Variants in USP12 observed in about 807,000 individuals in gnomAD.
USP12 encodes the protein ubiquitin carboxyl-terminal hydrolase 12.
In USP12, 19 loss-of-function variants were observed where a neutral mutation model predicts 45.5. The ratio of observed to expected loss-of-function variants is 0.42; its 90% CI spans 0.29 to 0.61. USP12 has a LOEUF of 0.61. Among genes scored for constraint, USP12 ranks in the 20% least tolerant of loss-of-function variants. The pLI, the probability that USP12 is intolerant of heterozygous loss-of-function variation, is 0.22. For missense variants in USP12, 242 were observed against 447.7 expected (o/e 0.54, Z 4.15); for synonymous variants, 149 against 148.8 (o/e 1.00, Z -0.01).
intron 3 of USP12, among the ~76,000 whole-genome samples, chr13:27,103,305 A>G (rs1874956535): frequency 6.6e-6 from 1 of 152,170 alleles, no homozygotes; most frequent in Non-Finnish European, 1.5e-5. Flanking sequence ...TTTGATTTGT[A>G]TATTCTTCTC....
At chr13:27,152,720 A>C (rs1266851561) in intron 1 of USP12, among the ~76,000 whole-genome samples, 1 of 152,138 alleles carries the variant, frequency 6.6e-6, no homozygotes, top group East Asian at 1.9e-4. Context: ...AGGCGGGTGG[A>C]TCACGAGGTC....
intron 3 of USP12, among the ~76,000 whole-genome samples, chr13:27,099,628 A>T (rs1443260385): frequency 6.6e-6 from 1 of 152,136 alleles, no homozygotes; most frequent in Non-Finnish European, 1.5e-5. Context: ...TAGACCCTGA[A>T]TCTTTCTCCC....
intron 1 of USP12, among the ~76,000 whole-genome samples, chr13:27,128,427 TAAC>T (rs1025008720): frequency 6.6e-6 from 1 of 152,186 alleles, no homozygotes; most frequent in Admixed American, 6.5e-5. Flanking sequence ...CCTACTTTCC[TAAC>T]AATACAAAAA....
chr13:27,163,281 C>G (rs892550755), intron 1 of USP12, among the ~76,000 whole-genome samples: 5 of 151,882 alleles, frequency 3.3e-5, no homozygotes, highest in African/African-American at 1.2e-4. Flanking sequence ...TTAAATATGC[C>G]CCCTTCCTAC....
At chr13:27,130,142 T>C (rs1459536687) in intron 1 of USP12, among the ~76,000 whole-genome samples, 1 of 152,136 alleles carries the variant, frequency 6.6e-6, no homozygotes, top group Admixed American at 6.6e-5. Context: ...AGCTGCCTAG[T>C]AACAGGGCTG....
intron 2 of USP12, among the ~76,000 whole-genome samples, chr13:27,106,762 G>GC (rs1875159774): frequency 6.6e-6 from 1 of 152,004 alleles, no homozygotes; most frequent in Non-Finnish European, 1.5e-5. Context: ...GTTTATAGGA[G>GC]AAGAGGAAAA....
rs1452268570 is a variant in USP12 at position 27,095,629 on chromosome 13, T to C, written c.545A>G (p.Asn182Ser). 1 of 1,608,078 alleles carries C rather than the reference T, an allele frequency of 6.2e-7. No individual in the cohort carries two copies. Among genetic ancestry groups the C allele is most frequent in the African/African-American group, 1.3e-5 (1 of 74,710 alleles). The change falls in exon 4 of 9, where the codon AAT (asparagine) becomes AGT (serine). Residue 182 changes from asparagine (N) to serine (S), a missense_variant. By Grantham distance (46) the Asn-to-Ser change is conservative (BLOSUM62 1). Transcript: ENST00000282344. ...VHEIFQGTLT[N>S]ETRCLTCETI... ...TTCACAAGTAAGACATCTGGTTTCATTAGTTAATGTTCCCTGAAAAATCTC... is the reference window on the plus strand; with the variant it reads ...TTCACAAGTAAGACATCTGGTTTCACTAGTTAATGTTCCCTGAAAAATCTC...
intron 6 of USP12, among the ~76,000 whole-genome samples, chr13:27,084,169 TACACACACACACACACAC>T (rs374948699): frequency 5.3e-4 from 76 of 142,510 alleles, no homozygotes; most frequent in Admixed American, 2.4e-3. Flanking sequence ...CATGTTTGCA[TACACACACACACACACAC>T]ACACACACAC....
intron 1 of USP12, among the ~76,000 whole-genome samples, chr13:27,148,815 A>ACACACACACACACACACACAC (rs1232624646): frequency 0.033 from 415 of 12,562 alleles, no homozygotes; most frequent in Middle Eastern, 0.19. Context: ...CACACACACA[A>ACACACACACACACACACACAC]AAATCAGGTG....
intron 1 of USP12, among the ~76,000 whole-genome samples, chr13:27,136,269 A>G (rs1876800354): frequency 6.6e-6 from 1 of 152,168 alleles, no homozygotes; most frequent in South Asian, 2.1e-4. Flanking sequence ...TTTGGGAGGC[A>G]GGTGGATCAC....
At chr13:27,153,245 T>G (rs1332729851) in intron 1 of USP12, among the ~76,000 whole-genome samples, 114 of 152,096 alleles carry the variant, frequency 7.5e-4, no homozygotes, top group Non-Finnish European at 2.9e-5. Flanking sequence ...AGGCAGAGGT[T>G]GCAGTGAGCC....
intron 6 of USP12, among the ~76,000 whole-genome samples, chr13:27,088,901 T>TAA (rs1874190335): frequency 6.6e-6 from 1 of 152,128 alleles, no homozygotes; most frequent in African/African-American, 2.4e-5. Context: ...CTCCAACACA[T>TAA]GGCACAAATC....
chr13:27,154,911 T>A (rs931761574), intron 1 of USP12, among the ~76,000 whole-genome samples: 2 of 151,864 alleles, frequency 1.3e-5, no homozygotes, highest in South Asian at 4.2e-4. Flanking sequence ...GCTTTGAAGA[T>A]GCTGCAGGGG....
chr13:27,122,796 T>C (rs534218730), intron 1 of USP12, among the ~76,000 whole-genome samples: 1 of 152,200 alleles, frequency 6.6e-6, no homozygotes, highest in African/African-American at 2.4e-5. Context: ...CAAGTTTCGT[T>C]AAAAACAGGA....
chr13:27,110,682 C>T (rs530132717), intron 2 of USP12, among the ~76,000 whole-genome samples: 1 of 152,290 alleles, frequency 6.6e-6, no homozygotes, highest in African/African-American at 2.4e-5. Flanking sequence ...ACTACAGATA[C>T]ACTTCAATGA....
intron 3 of USP12, among the ~76,000 whole-genome samples, chr13:27,097,835 A>T (rs1257483124): frequency 1.3e-5 from 2 of 152,158 alleles, no homozygotes; most frequent in African/African-American, 4.8e-5. Flanking sequence ...AATGCTTGGG[A>T]CCAGCAGTGG....
intron 1 of USP12, among the ~76,000 whole-genome samples, chr13:27,143,109 A>G (rs907885837): frequency 6.6e-6 from 1 of 151,646 alleles, no homozygotes; most frequent in African/African-American, 2.4e-5. Flanking sequence ...GAAAAAAAAA[A>G]AAAGAGTGAA....
At chr13:27,074,898 T>TAC (rs920007846) in intron 7 of USP12, among the ~76,000 whole-genome samples, 4 of 151,942 alleles carry the variant, frequency 2.6e-5, no homozygotes, top group African/African-American at 9.7e-5. Flanking sequence ...CAACCCTCTA[T>TAC]ACACACACCC....
intron 7 of USP12, among the ~76,000 whole-genome samples, chr13:27,072,461 GT>G (rs1873290607): frequency 6.6e-6 from 1 of 152,230 alleles, no homozygotes; most frequent in East Asian, 1.9e-4. Context: ...ACCTAAGGAA[GT>G]TGTTTCTTAG....
Sources: gnomAD v4.1 joint callset for allele counts (sites outside exome capture counted in the v4.1 genomes callset) on GRCh38, gnomAD v4.1.1 for gene constraint, MANE v1.5 for transcripts, NCBI Gene and HGNC (gene_info 2026-07-23, HGNC 2026-07-21) for gene names.